Variants in GOLGA4 observed in about 807,000 individuals in gnomAD.
GOLGA4 encodes the protein golgin A4, also known as golgin subfamily A member 4.
In GOLGA4, 169 loss-of-function variants were observed where a neutral mutation model predicts 265.9. That is an observed-to-expected ratio of 0.64 (90% CI 0.56 to 0.72). The LOEUF (loss-of-function observed/expected upper bound fraction) is 0.72, where lower values mean the gene tolerates loss of function less well. Among genes scored for constraint, GOLGA4 ranks in the 30% least tolerant of loss-of-function variants. The pLI is 0.00. For synonymous variants in GOLGA4, 923 were observed against 855.8 expected, an observed-to-expected ratio of 1.08 and a Z score of -1.37; for missense variants, 2,482 against 2,483.4, an observed-to-expected ratio of 1.00 and a Z score of 0.01.
chr3:37,355,292 C>G, intron 22 of GOLGA4, 105 bp downstream of exon 22: 1 of 667,080 alleles, frequency 1.5e-6, no homozygotes, highest in Non-Finnish European at 2.7e-6. Context: ...TTTAAGATTT[C>G]AAATCTTTAT....
intron 10 of GOLGA4, among the ~76,000 whole-genome samples, chr3:37,305,207 C>T (rs571309805): frequency 1.3e-5 from 2 of 152,226 alleles, no homozygotes; most frequent in African/African-American, 4.8e-5. Context: ...GTGTGAGCCA[C>T]TGCGCCCTGC....
At chr3:37,364,031 G>C (rs1475613930) in intron 23 of GOLGA4, among the ~76,000 whole-genome samples, 1 of 152,048 alleles carries the variant, frequency 6.6e-6, no homozygotes, top group Non-Finnish European at 1.5e-5. Flanking sequence ...CATGATTATT[G>C]AACTAGTTTT....
At chr3:37,292,426 G>T (rs919380721) in intron 5 of GOLGA4, among the ~76,000 whole-genome samples, 12 of 152,074 alleles carry the variant, frequency 7.9e-5, no homozygotes, top group Non-Finnish European at 1.3e-4. Context: ...TCATGCCTAC[G>T]CCTGTAATCC....
At chr3:37,331,619 T>C (rs2096990702) in intron 16 of GOLGA4, among the ~76,000 whole-genome samples, 1 of 152,208 alleles carries the variant, frequency 6.6e-6, no homozygotes, top group Admixed American at 6.5e-5. Context: ...AAAGCTATTA[T>C]CAGATTTATG....
chr3:37,361,804 A>C (rs772092958), intron 23 of GOLGA4, among the ~76,000 whole-genome samples: 7 of 152,260 alleles, frequency 4.6e-5, no homozygotes, highest in Non-Finnish European at 8.8e-5. Flanking sequence ...ACTTCCTGAA[A>C]TCAGACAGTT....
intron 10 of GOLGA4, among the ~76,000 whole-genome samples, chr3:37,304,550 C>T (rs1397829486): frequency 6.6e-6 from 1 of 152,214 alleles, no homozygotes; most frequent in Non-Finnish European, 1.5e-5. Context: ...CTCAGCTTCT[C>T]ATATCAAGCC....
At chr3:37,302,838 TGACACAATAAATGCTGGGCTATAAA>T (rs1436031387) in intron 10 of GOLGA4, 4 of 152,762 alleles carry the variant, frequency 2.6e-5, no homozygotes, top group African/African-American at 9.6e-5. Flanking sequence ...TAGCATGTTT[TGACACAATAAATGCTGGGCTATAAA>T]GTATAGAAAC....
intron 7 of GOLGA4, among the ~76,000 whole-genome samples, chr3:37,296,906 C>G (rs1023422525): frequency 2.9e-4 from 44 of 152,156 alleles, no homozygotes; most frequent in African/African-American, 8.9e-4. Flanking sequence ...ATTTCATAGT[C>G]TGTAACACCA....
chr3:37,302,300 T>A lies in GOLGA4; in HGVS notation c.1202T>A (p.Leu401Ter). 6.2e-7 allele frequency: 1 copy of A among 1,613,806 alleles called. No individual in the cohort carries two copies. The highest frequency in any genetic ancestry group is 8.5e-7 in the Non-Finnish European group (1 of 1,179,764). ...IKQMTTQGEELREQKEKSERA... is the reference protein window; with the variant it reads ...IKQMTTQGEE Reference sequence around the variant, plus strand: ...CAGATGACTACCCAGGGAGAGGAATTACGGGAACAGAAAGAAAAGTCCGAA... The same window carrying A: ...CAGATGACTACCCAGGGAGAGGAATAACGGGAACAGAAAGAAAAGTCCGAA... Residue 401 changes from leucine (L) to a stop codon, truncating the protein, a stop_gained, in exon 10 of 24, where the codon TTA (leucine) becomes TAA (stop). Transcript: ENST00000361924. LOFTEE classifies it high-confidence loss of function.
At position 37,326,214 on chromosome 3, in the gene GOLGA4, C is replaced by T. The variant is rs765973304; in HGVS notation, c.4328C>T (p.Ser1443Leu). ...EQVDDWSNKF[S>L]EWKKKAQSRF... The stretch of plus-strand genomic sequence containing the variant: ...GTAGATGACTGGTCCAATAAATTCT[C>T]AGAATGGAAGAAGAAAGCACAGTCA... The change falls in exon 14 of 24, where the codon TCA (serine) becomes TTA (leucine). Residue 1443 changes from serine (S) to leucine (L), a missense_variant. By Grantham distance (145) the Ser-to-Leu change is moderately radical (BLOSUM62 -2). Coordinates refer to ENST00000361924, the MANE Select transcript of GOLGA4 (RefSeq NM_002078.5). 6.2e-7 allele frequency: 1 copy of T among 1,613,456 alleles called. No individual in the cohort carries two copies. The highest frequency in any genetic ancestry group is 8.5e-7 in the Non-Finnish European group (1 of 1,179,566).
At position 37,257,949 on chromosome 3, in the gene GOLGA4, GTATGTATATATGTATAT is replaced by G. The variant is rs1560279810; in HGVS notation, c.162+6466_162+6482del. On this transcript the variant is annotated intron_variant, in intron 2 of 23. Transcript: ENST00000361924. ...TATGTATATATACATACATATATATGTATGTATATATGTATATATACATACATATATATATGTATGTA... is the reference window on the plus strand; with the variant it reads ...TATGTATATATACATACATATATATGATACATACATATATATATGTATGTA... Among the ~76,000 whole-genome samples, 5 of 94,438 alleles carry G rather than the reference GTATGTATATATGTATAT, an allele frequency of 5.3e-5. No individual in the cohort carries two copies. The East Asian group carries it at 1.1e-3, about 20-fold the overall frequency. 62.0% of individuals were successfully genotyped at this position (94,438 alleles called of 152,430 possible).
intron 2 of GOLGA4, chr3:37,275,548 C>T (rs550441518): frequency 1.0e-4 from 100 of 969,018 alleles, no homozygotes; most frequent in Non-Finnish European, 1.5e-4. Flanking sequence ...CCGCGGGCTT[C>T]GTTTGTGAGG....
intron 21 of GOLGA4, among the ~76,000 whole-genome samples, chr3:37,348,493 T>C (rs1431148775): frequency 6.6e-6 from 1 of 152,054 alleles, no homozygotes; most frequent in Non-Finnish European, 1.5e-5. Flanking sequence ...ACTAACGAAA[T>C]ACAGCTTTCT....
intron 20 of GOLGA4, among the ~76,000 whole-genome samples, chr3:37,342,480 T>C (rs1326651767): frequency 1.3e-5 from 2 of 152,308 alleles, no homozygotes; most frequent in South Asian, 2.1e-4. Flanking sequence ...CCCCTGACTT[T>C]TCTTAATCAT....
rs182592718 is a variant in GOLGA4, at chr3:37,333,472, C to A, written c.6193-1581C>A. ...AATTAGAAATGACACATCAAAGATT[C>A]TTTTCTAATTATTGGGGGGGCTTGC... On this transcript the variant is annotated intron_variant, in intron 16 of 23. Coordinates refer to ENST00000361924, the MANE Select transcript of GOLGA4 (RefSeq NM_002078.5). 2.0e-3 allele frequency among the ~76,000 whole-genome samples: 298 copies of A among 152,076 alleles called. 1 individual carries two copies. Among genetic ancestry groups the A allele is most frequent in the African/African-American group, 6.7e-3 (278 of 41,480 alleles).
At chr3:37,351,783 A>G (rs1305975469) in intron 21 of GOLGA4, among the ~76,000 whole-genome samples, 2 of 152,114 alleles carry the variant, frequency 1.3e-5, no homozygotes, top group African/African-American at 2.4e-5. Context: ...TCAGAAAACC[A>G]TGCTGTTAAC....
chr3:37,332,529 TTAAA>T (rs1230349945), intron 16 of GOLGA4, among the ~76,000 whole-genome samples: 1 of 152,068 alleles, frequency 6.6e-6, no homozygotes, highest in Non-Finnish European at 1.5e-5. Context: ...ACAAAAAAAA[TTAAA>T]TAAAATTTTT....
intron 2 of GOLGA4, among the ~76,000 whole-genome samples, chr3:37,261,310 C>A (rs560586185): frequency 6.6e-6 from 1 of 152,044 alleles, no homozygotes; most frequent in Non-Finnish European, 1.5e-5. Flanking sequence ...CTTGAGGCAC[C>A]CTTGCTGTTT....
At chr3:37,365,210 T>C (rs1293622091) in intron 23 of GOLGA4, among the ~76,000 whole-genome samples, 3 of 152,156 alleles carry the variant, frequency 2.0e-5, no homozygotes, top group South Asian at 2.1e-4. Context: ...GCTGGGAGAA[T>C]TGCAATTTGT....
Sources: gnomAD v4.1 joint callset for allele counts (sites outside exome capture counted in the v4.1 genomes callset) on GRCh38, gnomAD v4.1.1 for gene constraint, MANE v1.5 for transcripts, NCBI Gene and HGNC (gene_info 2026-07-23, HGNC 2026-07-21) for gene names.